The following LARGE1 variants were observed in gnomAD, a reference collection of about 807,000 sequenced individuals.
The protein encoded by LARGE1 is LARGE xylosyl- and glucuronyltransferase 1, also known as xylosyl- and glucuronyltransferase LARGE1.
A neutral mutation model predicts 87.6 loss-of-function variants in LARGE1; 43 were observed. That is an observed-to-expected ratio of 0.49 (90% confidence interval 0.38 to 0.63). LARGE1 has a LOEUF of 0.63. Among genes scored for constraint, LARGE1 ranks in the 30% least tolerant of loss-of-function variants. The pLI, the probability that LARGE1 is intolerant of heterozygous loss-of-function variation, is 0.00. For synonymous variants in LARGE1, 434 were observed against 394.6 expected, an observed-to-expected ratio of 1.10 and a Z score of -1.18; for missense variants, 802 against 1,000.2, an observed-to-expected ratio of 0.80 and a Z score of 2.67.
At chr22:33,300,150 G>T (rs561319358) in intron 12 of LARGE1, among the ~76,000 whole-genome samples, 187 of 152,308 alleles carry the variant, frequency 1.2e-3, no homozygotes, top group Admixed American at 2.3e-3. Context: ...GAGTAACCTG[G>T]CCCCTTCGAC....
intron 12 of LARGE1, 121 bp from the exon 13 acceptor site, chr22:33,283,469 C>G: frequency 9.0e-7 from 1 of 1,111,272 alleles, no homozygotes; most frequent in South Asian, 1.3e-5. Flanking sequence ...TCAGGTCATC[C>G]TCTCAATTAA....
At chr22:33,742,646 G>C (rs910544062) in intron 2 of LARGE1, among the ~76,000 whole-genome samples, 2 of 152,196 alleles carry the variant, frequency 1.3e-5, no homozygotes, top group South Asian at 4.1e-4. Flanking sequence ...CATGGCGAGA[G>C]CACTGCCTAA....
chr22:33,712,444 T>C (rs1428946050), intron 2 of LARGE1, among the ~76,000 whole-genome samples: 1 of 152,066 alleles, frequency 6.6e-6, no homozygotes, highest in African/African-American at 2.4e-5. Flanking sequence ...ACTGAGGCCA[T>C]GAACCCACTG....
In LARGE1 at chr22:33,854,927, C is replaced by T. The variant is rs528802733; in HGVS notation, c.-83+65068G>A. ...GGCCGCGTCCTTCACAAGCTTATGG[C>T]TGATTGCAGCATTACAAAACCCCAG... On this transcript the variant is annotated intron_variant, in intron 1 of 14. Coordinates refer to ENST00000397394, the MANE Select transcript of LARGE1 (RefSeq NM_133642.5). Among the ~76,000 whole-genome samples the T allele has an allele frequency of 5.2e-4, 79 of 152,322 alleles. No homozygotes were observed. The East Asian group carries it at 0.013, about 25-fold the overall frequency.
chr22:33,336,530 T>C (rs1327555912), intron 10 of LARGE1, among the ~76,000 whole-genome samples: 3 of 152,048 alleles, frequency 2.0e-5, no homozygotes, highest in Non-Finnish European at 2.9e-5. Context: ...CATTTGACAG[T>C]TGAAGAAAAT....
At chr22:33,593,351 T>C (rs1219161910) in intron 5 of LARGE1, among the ~76,000 whole-genome samples, 2 of 152,164 alleles carry the variant, frequency 1.3e-5, no homozygotes, top group Non-Finnish European at 2.9e-5. Flanking sequence ...CCTATTGGTG[T>C]ATATTTTCTG....
intron 6 of LARGE1, among the ~76,000 whole-genome samples, chr22:33,538,429 G>C (rs2077098799): frequency 6.6e-6 from 1 of 152,134 alleles, no homozygotes; most frequent in African/African-American, 2.4e-5. Flanking sequence ...GCACATAGTA[G>C]GCATATTTCC....
At chr22:33,895,235 C>T (rs998988156) in intron 1 of LARGE1, among the ~76,000 whole-genome samples, 1 of 152,126 alleles carries the variant, frequency 6.6e-6, no homozygotes, top group Non-Finnish European at 1.5e-5. Context: ...AAACAGAAAA[C>T]AGAAAAGCAG....
chr22:33,195,762 T>A (rs1002956287), intron 11 of LARGE1, among the ~76,000 whole-genome samples: 28 of 114,506 alleles, frequency 2.4e-4, no homozygotes, highest in African/African-American at 9.3e-4. Context: ...TTTTCTTTTT[T>A]TTTTTTTTTT....
chr22:33,118,716 C>A, the LARGE1 span, among the ~76,000 whole-genome samples: 1 of 152,072 alleles, frequency 6.6e-6, no homozygotes, highest in African/African-American at 2.4e-5. Flanking sequence ...ATCTTGGTAC[C>A]CAACCAGTTA....
At chr22:33,846,409 G>A (rs770141299) in intron 1 of LARGE1, among the ~76,000 whole-genome samples, 5 of 152,112 alleles carry the variant, frequency 3.3e-5, no homozygotes, top group Non-Finnish European at 7.4e-5. Flanking sequence ...GTCAGCTGAG[G>A]AGGATGTATG....
At chr22:33,260,500 T>C (rs1405871030) in intron 11 of LARGE1, among the ~76,000 whole-genome samples, 3 of 152,216 alleles carry the variant, frequency 2.0e-5, no homozygotes, top group African/African-American at 4.8e-5. Flanking sequence ...GAGTCTCTTA[T>C]GTCACCTTCT....
chr22:33,316,345 C>G (rs1345056656), intron 10 of LARGE1, 97 bp from the exon 11 acceptor site: 1 of 1,197,902 alleles, frequency 8.3e-7, no homozygotes, highest in East Asian at 2.5e-5. Context: ...GAGTTTATTA[C>G]CCATCAGGAC....
At chr22:33,578,224 C>G (rs2078408929) in intron 5 of LARGE1, among the ~76,000 whole-genome samples, 2 of 152,100 alleles carry the variant, frequency 1.3e-5, no homozygotes, top group South Asian at 4.1e-4. Context: ...CATGAGAATG[C>G]AGAAGGGAAA....
intron 1 of LARGE1, among the ~76,000 whole-genome samples, chr22:33,901,487 A>G (rs1191152446): frequency 6.6e-6 from 1 of 152,200 alleles, no homozygotes; most frequent in Non-Finnish European, 1.5e-5. Context: ...TCTCTCAGAC[A>G]CTGTGAAATG....
chr22:33,451,227 T>C (rs148851370), intron 6 of LARGE1, among the ~76,000 whole-genome samples: 48 of 152,256 alleles, frequency 3.2e-4, no homozygotes, highest in African/African-American at 5.1e-4. Flanking sequence ...TAGAAAAAAC[T>C]TCATCTGGCA....
At chr22:33,235,739 C>G (rs1014863147) in intron 11 of LARGE1, among the ~76,000 whole-genome samples, 14 of 152,118 alleles carry the variant, frequency 9.2e-5, no homozygotes, top group African/African-American at 3.1e-4. Context: ...AGGCGAAAAG[C>G]AAAAACTAGC....
intron 1 of LARGE1, among the ~76,000 whole-genome samples, chr22:33,768,738 C>A (rs2084980232): frequency 6.6e-6 from 1 of 152,202 alleles, no homozygotes. Flanking sequence ...TAGTTTTAAG[C>A]CTCTCCCTGA....
chr22:33,082,922 G>C, the LARGE1 span, among the ~76,000 whole-genome samples: 3 of 152,172 alleles, frequency 2.0e-5, no homozygotes, highest in East Asian at 3.8e-4. Flanking sequence ...CTACTTGGGA[G>C]GCTGAGGCAG....
Sources: gnomAD v4.1 joint callset for allele counts (sites outside exome capture counted in the v4.1 genomes callset) on GRCh38, gnomAD v4.1.1 for gene constraint, MANE v1.5 for transcripts, NCBI Gene and HGNC (gene_info 2026-07-23, HGNC 2026-07-21) for gene names.